Variants in ABLIM2 observed in about 807,000 individuals in gnomAD.
The protein encoded by ABLIM2 is actin binding LIM protein family member 2.
A neutral mutation model predicts 97.7 loss-of-function variants in ABLIM2; 53 were observed. The ratio of observed to expected loss-of-function variants is 0.54; its 90% CI spans 0.44 to 0.68. The LOEUF is 0.68. Among genes scored for constraint, ABLIM2 ranks in the 30% least tolerant of loss-of-function variants. The pLI, the probability that ABLIM2 is intolerant of heterozygous loss-of-function variation, is 0.00. For synonymous variants in ABLIM2, 361 were observed against 345.8 expected (o/e 1.04, Z -0.49); for missense variants, 835 against 867.2 (o/e 0.96, Z 0.47).
chr4:7,983,499 G>A (rs1201851629), intron 19 of ABLIM2, 48 bp downstream of exon 19: 1 of 1,610,970 alleles, frequency 6.2e-7, no homozygotes. Flanking sequence ...TTTAACCTGG[G>A]CAGGTGTGGC....
At chr4:8,013,482 A>T (rs1295150974) in intron 14 of ABLIM2, among the ~76,000 whole-genome samples, 1 of 152,122 alleles carries the variant, frequency 6.6e-6, no homozygotes, top group African/African-American at 2.4e-5. Context: ...CCTCAGCCTC[A>T]CAAAGTGCTG....
rs541936559 is a variant in ABLIM2 at position 8,158,746 on chromosome 4, C to T, written c.-57G>A. ...GCGCTGCGACAGCCAGACCCTCGGG[C>T]CCGCAGGTGCCGCGCCCGCGCTATC... On this transcript the variant is annotated 5_prime_UTR_variant, in exon 1 of 21. Coordinates refer to ENST00000447017, the MANE Select transcript of ABLIM2 (RefSeq NM_001130083.2). 4.5e-5 allele frequency: 60 copies of T among 1,341,378 alleles called. 4 individuals carry two copies. In the South Asian group the frequency reaches 7.5e-4, roughly 17 times the overall value. The allele number at this position is 1,341,378 out of a possible 1,614,324, so 83.1% of individuals were successfully genotyped here. A position where few individuals can be genotyped will look rare whatever the true frequency, so the allele number is the denominator to read the frequency against.
intron 10 of ABLIM2, among the ~76,000 whole-genome samples, chr4:8,031,818 G>A (rs113207889): frequency 0.12 from 17,786 of 151,494 alleles, 1,178 homozygotes; most frequent in Middle Eastern, 0.22. Flanking sequence ...TCCGTCTTCC[G>A]GGTTCAAGCG....
intron 12 of ABLIM2, chr4:8,020,559 G>T: frequency 1.7e-6 from 1 of 583,010 alleles, no homozygotes; most frequent in South Asian, 1.9e-5. Context: ...TGAGGGCAGA[G>T]GGCTGGGCGG....
intron 6 of ABLIM2, among the ~76,000 whole-genome samples, chr4:8,066,096 T>C (rs1450945359): frequency 6.7e-6 from 1 of 148,858 alleles, no homozygotes; most frequent in East Asian, 2.0e-4. Flanking sequence ...GGTCAGGAGA[T>C]GGAGACCATC....
intron 1 of ABLIM2, among the ~76,000 whole-genome samples, chr4:8,153,963 C>CTTTTTTTT (rs55681745): frequency 1.5e-5 from 2 of 131,870 alleles, no homozygotes; most frequent in African/African-American, 2.8e-5. Flanking sequence ...AACTTCTTTT[C>CTTTTTTTT]TTTTTTTTTT....
At chr4:8,116,214 T>C (rs1362696282) in intron 1 of ABLIM2, among the ~76,000 whole-genome samples, 1 of 152,202 alleles carries the variant, frequency 6.6e-6, no homozygotes, top group Non-Finnish European at 1.5e-5. Context: ...GGTGGTTTGT[T>C]AGGCAGCCAT....
intron 20 of ABLIM2, among the ~76,000 whole-genome samples, chr4:7,979,236 G>C (rs1736098955): frequency 6.6e-6 from 1 of 152,210 alleles, no homozygotes; most frequent in Admixed American, 6.5e-5. Flanking sequence ...GTGCTATCTG[G>C]CTCTGCGGTT....
chr4:8,106,378 G>C, intron 2 of ABLIM2, 116 bp downstream of exon 2: 1 of 1,363,520 alleles, frequency 7.3e-7, no homozygotes, highest in Non-Finnish European at 1.0e-6. Context: ...TGTATCTGGA[G>C]TGTTCTCCAG....
intron 1 of ABLIM2, among the ~76,000 whole-genome samples, chr4:8,136,774 G>T (rs1024397774): frequency 6.6e-6 from 1 of 152,254 alleles, no homozygotes; most frequent in Non-Finnish European, 1.5e-5. Context: ...CTAGTGCCAT[G>T]TCCTGCCACG....
intron 8 of ABLIM2, among the ~76,000 whole-genome samples, chr4:8,051,163 C>T (rs1345168406): frequency 6.6e-6 from 1 of 152,224 alleles, no homozygotes; most frequent in South Asian, 2.1e-4. Flanking sequence ...TCGCCAGCCA[C>T]CCCCCACCCC....
In ABLIM2 at chr4:8,005,696, G is replaced by A. The variant is rs1055424822; in HGVS notation, c.1618+2363C>T. 5.3e-5 allele frequency among the ~76,000 whole-genome samples: 8 copies of A among 152,192 alleles called. No individual in the cohort carries two copies. The highest frequency in any genetic ancestry group is 8.8e-5 in the Non-Finnish European group (6 of 68,040). On this transcript the variant is annotated intron_variant, in intron 16 of 20. Transcript: ENST00000447017. This position sits in a 1 kb window ranked among gnomAD's most constrained non-coding sequence, Gnocchi z 4.9. Reference sequence around the variant, plus strand: ...CCTCGCTGCCATTTCCATGCAAATCGGGAAACAAGGCAATGCCATCGGGAC... The same window carrying A: ...CCTCGCTGCCATTTCCATGCAAATCAGGAAACAAGGCAATGCCATCGGGAC...
In ABLIM2 at chr4:8,149,561, G is replaced by A. The variant is rs1711875858; in HGVS notation, c.10+9119C>T. ...AAGAAAGCTTCACAGAGGCCCTGGAGTCCGGCAGAGCCTTGAAAGGGAGAG... is the reference window on the plus strand; with the variant it reads ...AAGAAAGCTTCACAGAGGCCCTGGAATCCGGCAGAGCCTTGAAAGGGAGAG... On this transcript the variant is annotated intron_variant, in intron 1 of 20. Coordinates refer to ENST00000447017, the MANE Select transcript of ABLIM2 (RefSeq NM_001130083.2). This position sits in a 1 kb window ranked among gnomAD's most constrained non-coding sequence, Gnocchi z 6.4. Among the ~76,000 whole-genome samples the A allele has an allele frequency of 6.6e-6, 1 of 151,938 alleles. No individual in the cohort carries two copies. Among genetic ancestry groups the A allele is most frequent in the African/African-American group, 2.4e-5 (1 of 41,380 alleles).
rs986274809 is a variant in ABLIM2 at position 8,147,745 on chromosome 4, A to C, written c.10+10935T>G. 6.6e-6 allele frequency among the ~76,000 whole-genome samples: 1 copy of C among 152,182 alleles called. No homozygotes were observed. The highest frequency in any genetic ancestry group is 2.4e-5 in the African/African-American group (1 of 41,444). ...AGCTGCCAGCGCCGTTTAGCCTCGG[A>C]CACTGACATTGAACTGCTGGCCTCC... On this transcript the variant is annotated intron_variant, in intron 1 of 20. Coordinates refer to ENST00000447017, the MANE Select transcript of ABLIM2 (RefSeq NM_001130083.2). This position sits in a 1 kb window ranked among gnomAD's most constrained non-coding sequence, Gnocchi z 5.3.
intron 6 of ABLIM2, among the ~76,000 whole-genome samples, chr4:8,073,206 C>T (rs993984529): frequency 2.1e-4 from 30 of 143,002 alleles, no homozygotes; most frequent in Non-Finnish European, 4.4e-4. Context: ...CAGGCACAGG[C>T]GTGGTAGGGG....
At chr4:8,141,760 C>A (rs541648582) in intron 1 of ABLIM2, among the ~76,000 whole-genome samples, 31 of 152,326 alleles carry the variant, frequency 2.0e-4, no homozygotes, top group African/African-American at 7.2e-4. Flanking sequence ...TTTGGGAGGG[C>A]GCCTGTGAGT....
At chr4:8,025,730 C>T (rs78393289) in intron 12 of ABLIM2, among the ~76,000 whole-genome samples, 2,918 of 152,234 alleles carry the variant, frequency 0.019, 97 homozygotes, top group African/African-American at 0.062. Context: ...AGCCTGCCCT[C>T]GGCTCTGGCC....
rs1330283548 is a variant in ABLIM2, at chr4:8,132,359, A to G, written c.11-25722T>C. 6.6e-6 allele frequency among the ~76,000 whole-genome samples: 1 copy of G among 152,184 alleles called. No homozygotes were observed. Among genetic ancestry groups the G allele is most frequent in the African/African-American group, 2.4e-5 (1 of 41,452 alleles). On this transcript the variant is annotated intron_variant, in intron 1 of 20. Transcript: ENST00000447017. This position sits in a 1 kb window ranked among gnomAD's most constrained non-coding sequence, Gnocchi z 8.0. Reference sequence around the variant, plus strand: ...AAGTAATGAGATCAGGCCCTGACACATGGGACAGGTGAGAGAGATTTTCAC... The same window carrying G: ...AAGTAATGAGATCAGGCCCTGACACGTGGGACAGGTGAGAGAGATTTTCAC...
rs540003743 is a variant in ABLIM2 at position 8,042,446 on chromosome 4, C to T, written c.900+2718G>A. On this transcript the variant is annotated intron_variant, in intron 9 of 20. Transcript: ENST00000447017. ...CCAGAGAGGCCAAGGAGCATCTGAG[C>T]AGACGGCCCTGCTGTTTCCCCACTC... Among the ~76,000 whole-genome samples the T allele has an allele frequency of 1.2e-3, 181 of 152,350 alleles. 1 individual carries two copies. The Middle Eastern group carries it at 0.02, about 17-fold the overall frequency.
Sources: allele counts gnomAD v4.1 joint callset (sites outside exome capture counted in the v4.1 genomes callset), GRCh38; gene constraint gnomAD v4.1.1; non-coding constraint Gnocchi (gnomAD v3.1); transcripts MANE v1.5; gene names NCBI Gene and HGNC (gene_info 2026-07-23, HGNC 2026-07-21).